Variants in XRCC4 observed in about 807,000 individuals in gnomAD.
XRCC4 encodes DNA repair protein XRCC4.
Under a neutral mutation model 39.1 loss-of-function variants are expected in XRCC4, and 28 were observed. The observed-to-expected ratio is 0.72, with a 90% confidence interval of 0.53 to 0.98. The LOEUF (loss-of-function observed/expected upper bound fraction) is 0.98, where lower values mean the gene tolerates loss of function less well. Ranked by LOEUF, XRCC4 falls within the 50% of genes least tolerant of loss-of-function variation. XRCC4 has a pLI of 0.00. For missense variants in XRCC4, 350 were observed against 376.4 expected, an observed-to-expected ratio of 0.93 and a Z score of 0.58; for synonymous variants, 123 against 126.4, an observed-to-expected ratio of 0.97 and a Z score of 0.18.
intron 7 of XRCC4, among the ~76,000 whole-genome samples, chr5:83,289,556 T>A (rs186721871): frequency 6.6e-6 from 1 of 151,892 alleles, no homozygotes; most frequent in African/African-American, 2.4e-5. Flanking sequence ...CTTCAGCTCT[T>A]TCAACTGCAG....
chr5:83,309,968 T>C (rs1306761974), intron 7 of XRCC4, among the ~76,000 whole-genome samples: 1 of 152,160 alleles, frequency 6.6e-6, no homozygotes, highest in Non-Finnish European at 1.5e-5. Context: ...TTATGCTTAA[T>C]AGTATACATT....
At chr5:83,144,301 G>GTGTGTA (rs1554058235) in intron 3 of XRCC4, among the ~76,000 whole-genome samples, 6 of 148,480 alleles carry the variant, frequency 4.0e-5, no homozygotes, top group African/African-American at 1.5e-4. Context: ...GTGTGTGTGT[G>GTGTGTA]TGTGTAAAAT....
intron 1 of XRCC4, among the ~76,000 whole-genome samples, chr5:83,087,172 C>A (rs1467987477): frequency 6.6e-6 from 1 of 151,724 alleles, no homozygotes. Context: ...CAAAAATTAG[C>A]CGGGAGTGGT....
intron 3 of XRCC4, among the ~76,000 whole-genome samples, chr5:83,139,346 A>G (rs888957572): frequency 6.6e-6 from 1 of 152,176 alleles, no homozygotes; most frequent in African/African-American, 2.4e-5. Flanking sequence ...TCAGTGTAAC[A>G]TATTAGAGGA....
At chr5:83,280,912 G>A (rs562797483) in intron 7 of XRCC4, among the ~76,000 whole-genome samples, 27 of 152,252 alleles carry the variant, frequency 1.8e-4, no homozygotes, top group African/African-American at 6.5e-4. Context: ...TATCTCATCA[G>A]GATTTCTCTA....
intron 1 of XRCC4, among the ~76,000 whole-genome samples, chr5:83,091,789 T>C (rs955036030): frequency 2.6e-5 from 4 of 152,230 alleles, no homozygotes; most frequent in Admixed American, 2.6e-4. Context: ...GTTTATTCCA[T>C]TATTTGGCTA....
At chr5:83,227,523 C>T (rs528700507) in intron 6 of XRCC4, among the ~76,000 whole-genome samples, 3 of 152,072 alleles carry the variant, frequency 2.0e-5, no homozygotes, top group South Asian at 2.1e-4. Flanking sequence ...AAATTATCTA[C>T]GTGATTTTTA....
intron 3 of XRCC4, among the ~76,000 whole-genome samples, chr5:83,114,175 A>T (rs1450918548): frequency 6.6e-6 from 1 of 151,872 alleles, no homozygotes; most frequent in Non-Finnish European, 1.5e-5. Flanking sequence ...AACTGTTTTT[A>T]CCGCCTAGGC....
chr5:83,233,705 T>C (rs569906104), intron 6 of XRCC4, among the ~76,000 whole-genome samples: 4 of 144,730 alleles, frequency 2.8e-5, no homozygotes, highest in Admixed American at 1.4e-4. Context: ...CTGGCCAACA[T>C]AGTGAAACCC....
intron 1 of XRCC4, among the ~76,000 whole-genome samples, chr5:83,085,031 G>A (rs79770602): frequency 0.044 from 6,659 of 152,264 alleles, 455 homozygotes; most frequent in African/African-American, 0.15. Context: ...ATTGTATCCT[G>A]AATTTGTGTT....
At chr5:83,366,861 A>G in the XRCC4 span, among the ~76,000 whole-genome samples, 1 of 152,150 alleles carries the variant, frequency 6.6e-6, no homozygotes, top group South Asian at 2.1e-4. Flanking sequence ...AGACCACCCT[A>G]TGTAAAACAG....
In XRCC4 at chr5:83,258,535, G is replaced by A. The variant is rs1753633765; in HGVS notation, c.751G>A (p.Val251Ile). 1 of 1,605,588 alleles carries A rather than the reference G, an allele frequency of 6.2e-7. No individual in the cohort carries two copies. The highest frequency in any genetic ancestry group is 1.3e-5 in the African/African-American group (1 of 74,364). Residue 251 changes from valine to isoleucine, a missense_variant, in exon 7 of 8, where the codon GTA (valine) becomes ATA (isoleucine). Val to Ile is a conservative substitution (Grantham distance 29). Coordinates refer to ENST00000396027, the MANE Select transcript of XRCC4 (RefSeq NM_003401.5). ...TDLSGLASAA[V>I]SKDDSIISSL... ...CTCATCTCATTTTATTTCAGCTGCT[G>A]TAAGTAAAGATGATTCCATTATTTC...
At chr5:83,243,240 G>A (rs546386958) in intron 6 of XRCC4, among the ~76,000 whole-genome samples, 19 of 152,280 alleles carry the variant, frequency 1.2e-4, no homozygotes, top group African/African-American at 4.1e-4. Flanking sequence ...CTTCAGGAAA[G>A]ATGAAAATAT....
At chr5:83,141,254 C>T (rs1439690891) in intron 3 of XRCC4, among the ~76,000 whole-genome samples, 1 of 152,130 alleles carries the variant, frequency 6.6e-6, no homozygotes, top group Admixed American at 6.5e-5. Context: ...ATTATGTAAA[C>T]AACACTGCAA....
intron 6 of XRCC4, among the ~76,000 whole-genome samples, chr5:83,241,346 C>T (rs1752901436): frequency 6.6e-6 from 1 of 151,850 alleles, no homozygotes; most frequent in Non-Finnish European, 1.5e-5. Flanking sequence ...TAATTGCAGC[C>T]ATATTAATGA....
chr5:83,209,176 A>G (rs1250884617), intron 6 of XRCC4, among the ~76,000 whole-genome samples: 1 of 151,886 alleles, frequency 6.6e-6, no homozygotes, highest in Non-Finnish European at 1.5e-5. Context: ...AGTCTTCCCT[A>G]TAAGAAACTC....
intron 3 of XRCC4, among the ~76,000 whole-genome samples, chr5:83,179,401 T>C (rs1339116870): frequency 6.6e-6 from 1 of 152,160 alleles, no homozygotes; most frequent in Non-Finnish European, 1.5e-5. Context: ...GGTTTATCTT[T>C]GAAAAAGCTA....
At chr5:83,120,909 A>C (rs1045576931) in intron 3 of XRCC4, among the ~76,000 whole-genome samples, 1 of 152,078 alleles carries the variant, frequency 6.6e-6, no homozygotes. Context: ...AACCTGCCCA[A>C]ATTTTTTAGT....
At chr5:83,185,498 T>A (rs1321547736) in intron 3 of XRCC4, among the ~76,000 whole-genome samples, 1 of 151,540 alleles carries the variant, frequency 6.6e-6, no homozygotes, top group Non-Finnish European at 1.5e-5. Flanking sequence ...TTTCTTTAAG[T>A]TGCTGTATTT....
Sources: gnomAD v4.1 joint callset for allele counts (sites outside exome capture counted in the v4.1 genomes callset) on GRCh38, gnomAD v4.1.1 for gene constraint, MANE v1.5 for transcripts, NCBI Gene and HGNC (gene_info 2026-07-23, HGNC 2026-07-21) for gene names.